GRM8: variants seen among roughly 807,000 people sequenced by gnomAD.
GRM8 encodes metabotropic glutamate receptor 8.
Under a neutral mutation model 87.2 loss-of-function variants are expected in GRM8, and 47 were observed. That is an observed-to-expected ratio of 0.54 (90% confidence interval 0.43 to 0.69). The LOEUF is 0.69. GRM8 is among the 30% of genes least tolerant of loss of function. The pLI, the probability that GRM8 is intolerant of heterozygous loss-of-function variation, is 0.00. For missense variants in GRM8, 1,019 were observed against 1,139.2 expected (o/e 0.89, Z 1.52); for synonymous variants, 396 against 404.5 (o/e 0.98, Z 0.25).
At chr7:126,852,083 A>G (rs1478129034) in intron 6 of GRM8, among the ~76,000 whole-genome samples, 1 of 152,064 alleles carries the variant, frequency 6.6e-6, no homozygotes, top group Non-Finnish European at 1.5e-5. Flanking sequence ...AAATATGCAT[A>G]GGTGTGATGC....
chr7:126,940,922 G>T (rs911303045), intron 3 of GRM8, among the ~76,000 whole-genome samples: 3 of 152,194 alleles, frequency 2.0e-5, no homozygotes, highest in African/African-American at 7.2e-5. Context: ...ACTCTGTAGA[G>T]CATTGTTTGC....
At chr7:126,889,751 ATT>A (rs1365383383) in intron 6 of GRM8, among the ~76,000 whole-genome samples, 7 of 152,110 alleles carry the variant, frequency 4.6e-5, no homozygotes, top group Non-Finnish European at 7.4e-5. Context: ...TAGTTTAATA[ATT>A]TGTGTGTATT....
At chr7:126,822,590 A>G (rs1794393683) in intron 6 of GRM8, among the ~76,000 whole-genome samples, 1 of 148,824 alleles carries the variant, frequency 6.7e-6, no homozygotes, top group South Asian at 2.1e-4. Context: ...ATGGGATCTC[A>G]CTATGTTGCC....
chr7:127,097,070 T>C (rs930269743), intron 3 of GRM8, among the ~76,000 whole-genome samples: 4 of 152,124 alleles, frequency 2.6e-5, no homozygotes, highest in Non-Finnish European at 5.9e-5. Context: ...CCAGGTACTA[T>C]ACTGGATATT....
intron 3 of GRM8, among the ~76,000 whole-genome samples, chr7:126,997,276 C>G (rs1341277645): frequency 6.6e-6 from 1 of 151,536 alleles, no homozygotes; most frequent in Non-Finnish European, 1.5e-5. Flanking sequence ...CATACCACAA[C>G]TCATAAGATA....
chr7:126,861,501 C>T (rs1398878572), intron 6 of GRM8, among the ~76,000 whole-genome samples: 2 of 151,974 alleles, frequency 1.3e-5, no homozygotes, highest in Non-Finnish European at 2.9e-5. Context: ...CCAATTTATT[C>T]TCCCACCACT....
chr7:126,494,172 A>G (rs1808407829), intron 9 of GRM8, among the ~76,000 whole-genome samples: 1 of 152,014 alleles, frequency 6.6e-6, no homozygotes, highest in Non-Finnish European at 1.5e-5. Context: ...TAATTGTGCA[A>G]TTGGTTTAGA....
At chr7:126,655,499 GTC>G (rs955375533) in intron 7 of GRM8, among the ~76,000 whole-genome samples, 1 of 148,946 alleles carries the variant, frequency 6.7e-6, no homozygotes, top group African/African-American at 2.4e-5. Flanking sequence ...CTCTGTTGCT[GTC>G]TCTCTCTCTC....
intron 6 of GRM8, among the ~76,000 whole-genome samples, chr7:126,821,670 A>G (rs1794314829): frequency 6.6e-6 from 1 of 152,176 alleles, no homozygotes; most frequent in Admixed American, 6.5e-5. Flanking sequence ...TTTTAGATTT[A>G]AAGAAAAGTT....
chr7:126,951,089 T>A (rs1384413569), intron 3 of GRM8, among the ~76,000 whole-genome samples: 1 of 152,100 alleles, frequency 6.6e-6, no homozygotes, highest in Non-Finnish European at 1.5e-5. Context: ...TTAATGAAGA[T>A]CTCTTTGAAT....
intron 2 of GRM8, among the ~76,000 whole-genome samples, chr7:127,190,502 C>T (rs2116479548): frequency 6.6e-6 from 1 of 151,764 alleles, no homozygotes; most frequent in East Asian, 2.0e-4. Flanking sequence ...CGGGATCGTG[C>T]CATTGCACTC....
At chr7:126,673,685 T>G (rs1284283381) in intron 7 of GRM8, among the ~76,000 whole-genome samples, 3 of 152,228 alleles carry the variant, frequency 2.0e-5, no homozygotes, top group Non-Finnish European at 4.4e-5. Flanking sequence ...AGATGCTGAA[T>G]TTTAATAACT....
chr7:126,649,669 C>T (rs952829464), intron 7 of GRM8, among the ~76,000 whole-genome samples: 4 of 152,156 alleles, frequency 2.6e-5, no homozygotes, highest in Non-Finnish European at 4.4e-5. Context: ...TTTGGCCCCT[C>T]CTACAACCAA....
chr7:126,652,138 T>C (rs1175330311), intron 7 of GRM8, among the ~76,000 whole-genome samples: 2 of 152,240 alleles, frequency 1.3e-5, no homozygotes, highest in Admixed American at 1.3e-4. Flanking sequence ...AATATGTTCA[T>C]TTTATTTCCT....
chr7:126,916,796 CGG>C (rs1277748338), intron 3 of GRM8, among the ~76,000 whole-genome samples: 1 of 152,080 alleles, frequency 6.6e-6, no homozygotes, highest in African/African-American at 2.4e-5. Flanking sequence ...GACCATGGTA[CGG>C]CAGTAACCAA....
chr7:126,439,217 C>G, intron 10 of GRM8, 49 bp from the exon 11 acceptor site: 1 of 1,000,090 alleles, frequency 1.0e-6, no homozygotes, highest in East Asian at 2.4e-5. Context: ...ATAATACATC[C>G]TTTTGTTAAT....
intron 6 of GRM8, among the ~76,000 whole-genome samples, chr7:126,824,707 A>G (rs548023895): frequency 2.6e-5 from 4 of 152,366 alleles, no homozygotes; most frequent in African/African-American, 9.6e-5. Context: ...AGCTTGAGAT[A>G]CCAATGGAAG....
intron 9 of GRM8, among the ~76,000 whole-genome samples, chr7:126,528,349 G>A (rs12706734): frequency 0.13 from 20,294 of 152,078 alleles, 1,574 homozygotes; most frequent in South Asian, 0.18. Context: ...CAATTCATTC[G>A]AATATATTCA....
chr7:126,962,089 A>G (rs932799243), intron 3 of GRM8, among the ~76,000 whole-genome samples: 1 of 152,224 alleles, frequency 6.6e-6, no homozygotes, highest in African/African-American at 2.4e-5. Flanking sequence ...GTTCATTTTA[A>G]TTACATTTTC....
Sources: allele counts gnomAD v4.1 joint callset (sites outside exome capture counted in the v4.1 genomes callset), GRCh38; gene constraint gnomAD v4.1.1; transcripts MANE v1.5; gene names NCBI Gene and HGNC (gene_info 2026-07-23, HGNC 2026-07-21).